PACSIN1: variants seen among roughly 807,000 people sequenced by gnomAD.
The protein encoded by PACSIN1 is protein kinase C and casein kinase substrate in neurons 1.
In PACSIN1, 15 loss-of-function variants were observed where a neutral mutation model predicts 59.5. The ratio of observed to expected loss-of-function variants is 0.25; its 90% CI spans 0.17 to 0.39. The LOEUF (loss-of-function observed/expected upper bound fraction) is 0.39, where lower values mean the gene tolerates loss of function less well. Ranked by LOEUF, PACSIN1 falls within the 10% of genes least tolerant of loss-of-function variation. PACSIN1 has a pLI of 1.00. For synonymous variants in PACSIN1, 210 were observed against 220.6 expected (o/e 0.95, Z 0.42); for missense variants, 420 against 580.2 (o/e 0.72, Z 2.84).
intron 1 of PACSIN1, among the ~76,000 whole-genome samples, chr6:34,496,216 T>C (rs1028126080): frequency 1.3e-5 from 2 of 152,076 alleles, no homozygotes; most frequent in East Asian, 1.9e-4. Flanking sequence ...CAATGGCTCA[T>C]TGGGGATAAT....
At chr6:34,472,220 C>T (rs150949272) in intron 1 of PACSIN1, among the ~76,000 whole-genome samples, 6 of 141,638 alleles carry the variant, frequency 4.2e-5, no homozygotes, top group African/African-American at 5.3e-5. Flanking sequence ...TGAAGTGAGC[C>T]GAGATCGGGC....
At chr6:34,494,704 A>G (rs1766922576) in intron 1 of PACSIN1, among the ~76,000 whole-genome samples, 1 of 152,150 alleles carries the variant, frequency 6.6e-6, no homozygotes, top group Non-Finnish European at 1.5e-5. Flanking sequence ...TTGGCCTCCC[A>G]AAGTGCTAGG....
At position 34,488,544 on chromosome 6, in the gene PACSIN1, T is replaced by G. The variant is rs1192845655; in HGVS notation, c.-64+22274T>G. Among the ~76,000 whole-genome samples the G allele has an allele frequency of 1.3e-5, 2 of 152,038 alleles. No homozygotes were observed. Among genetic ancestry groups the G allele is most frequent in the African/African-American group, 4.8e-5 (2 of 41,362 alleles). Reference sequence around the variant, plus strand: ...ATTTCTAAACTTGCAGTGCCCAGAGTTGTCCCTGGGTGTGGTGGTGAATGG... The same window carrying G: ...ATTTCTAAACTTGCAGTGCCCAGAGGTGTCCCTGGGTGTGGTGGTGAATGG... On this transcript the variant is annotated intron_variant, in intron 1 of 9. Coordinates refer to ENST00000244458, the MANE Select transcript of PACSIN1 (RefSeq NM_020804.5). This position sits in a 1 kb window ranked among gnomAD's most constrained non-coding sequence, Gnocchi z 4.7.
Position 34,474,990 on chromosome 6 carries a change from T to C in PACSIN1, c.-64+8720T>C, listed in dbSNP as rs563139091. The stretch of plus-strand genomic sequence containing the variant: ...GAATTCTCTTCCCCAAAGGCCTACA[T>C]GGCTCATGATGTTCACATCTCCACC... On this transcript the variant is annotated intron_variant, in intron 1 of 9. Transcript: ENST00000244458. 7.2e-5 allele frequency among the ~76,000 whole-genome samples: 11 copies of C among 152,274 alleles called. No homozygotes were observed. In the South Asian group the frequency reaches 2.1e-3, roughly 29 times the overall value.
chr6:34,471,688 T>C (rs1766572611), intron 1 of PACSIN1, among the ~76,000 whole-genome samples: 2 of 152,212 alleles, frequency 1.3e-5, no homozygotes, highest in African/African-American at 4.8e-5. Flanking sequence ...ACGTTAGCAC[T>C]GTGTTTTTGG....
chr6:34,526,353 C>T lies in PACSIN1; in HGVS notation c.48C>T (p.Thr16=), dbSNP rs1442173419. ...CCTCACTGGCGCCAGAGGAGACCAC[C>T]GACAGCTTCTGGGAGGTGAGGCTCT... The part of the protein sequence containing the change: ...DEASLAPEET[T]DSFWEVGNYK... The change falls in exon 2 of 10, where the codon ACC becomes ACT. Residue 16 remains threonine, a synonymous_variant. Transcript: ENST00000244458. 3.1e-6 allele frequency: 5 copies of T among 1,612,312 alleles called. No individual in the cohort carries two copies. Among genetic ancestry groups the T allele is most frequent in the Admixed American group, 3.3e-5 (2 of 59,990 alleles).
Position 34,488,979 on chromosome 6 carries a change from G to A in PACSIN1, c.-64+22709G>A, listed in dbSNP as rs190238307. Among the ~76,000 whole-genome samples, 62 of 152,172 alleles carry A rather than the reference G, an allele frequency of 4.1e-4. No homozygotes were observed. Among genetic ancestry groups the A allele is most frequent in the African/African-American group, 1.4e-3 (59 of 41,536 alleles). The stretch of plus-strand genomic sequence containing the variant: ...GTGGATCACTTGAGCCCAGAAGTTC[G>A]AGACCAGCCTGGGCAACATGGTGAA... On this transcript the variant is annotated intron_variant, in intron 1 of 9. Coordinates refer to ENST00000244458, the MANE Select transcript of PACSIN1 (RefSeq NM_020804.5). This position sits in a 1 kb window ranked among gnomAD's most constrained non-coding sequence, Gnocchi z 4.7.
intron 1 of PACSIN1, among the ~76,000 whole-genome samples, chr6:34,476,373 C>T (rs1205138980): frequency 6.6e-6 from 1 of 152,198 alleles, no homozygotes; most frequent in East Asian, 1.9e-4. Context: ...AAGCATGGGG[C>T]TGAATTTGGC....
chr6:34,518,741 T>C lies in PACSIN1; in HGVS notation c.-63-7502T>C, dbSNP rs974288173. 2.0e-4 allele frequency among the ~76,000 whole-genome samples: 30 copies of C among 152,304 alleles called. No individual in the cohort carries two copies. The highest frequency in any genetic ancestry group is 6.5e-4 in the African/African-American group (27 of 41,568). On this transcript the variant is annotated intron_variant, in intron 1 of 9. Transcript: ENST00000244458. The surrounding 1 kb of genome is among the most constrained non-coding windows in gnomAD (Gnocchi z 4.4). The stretch of plus-strand genomic sequence containing the variant: ...CCTTCCAGTGGCTCTCCACCACCCT[T>C]TGCCCTGTCCCTCACGCTGGCTGAA...
rs181743740 is a variant in PACSIN1 at position 34,502,992 on chromosome 6, C to T, written c.-63-23251C>T. On this transcript the variant is annotated intron_variant, in intron 1 of 9. Transcript: ENST00000244458. ...CATTTTGTACAAACCTCCCGTTGGT[C>T]CCGATGCTTACTAAAGTCTGAAGAC... Among the ~76,000 whole-genome samples, 400 of 152,272 alleles carry T rather than the reference C, an allele frequency of 2.6e-3. 1 individual carries two copies. Among genetic ancestry groups the T allele is most frequent in the African/African-American group, 9.1e-3 (379 of 41,536 alleles).
chr6:34,502,740 A>G (rs1383821349), intron 1 of PACSIN1, among the ~76,000 whole-genome samples: 1 of 152,138 alleles, frequency 6.6e-6, no homozygotes, highest in African/African-American at 2.4e-5. Flanking sequence ...TGCTGGGATC[A>G]CAGGCGTGAG....
In PACSIN1 at chr6:34,511,020, T is replaced by A. The variant is rs78038055; in HGVS notation, c.-63-15223T>A. 2.2e-3 allele frequency among the ~76,000 whole-genome samples: 340 copies of A among 152,296 alleles called. 14 individuals are homozygous for A. In the East Asian group the frequency reaches 0.057, roughly 25 times the overall value. On this transcript the variant is annotated intron_variant, in intron 1 of 9. Coordinates refer to ENST00000244458, the MANE Select transcript of PACSIN1 (RefSeq NM_020804.5). ...GAGCCACCGCACTGAGCCCACATTA[T>A]TTTTCTTGGTAGCACTGCTCATCAT... is the stretch of plus-strand genomic sequence containing the variant.
intron 1 of PACSIN1, among the ~76,000 whole-genome samples, chr6:34,501,713 A>G (rs1386885095): frequency 6.6e-6 from 1 of 152,104 alleles, no homozygotes; most frequent in Non-Finnish European, 1.5e-5. Context: ...AGCATGGGGA[A>G]CTTTCAGAAA....
In PACSIN1 at chr6:34,493,037, C is replaced by A. The variant is rs1766899971; in HGVS notation, c.-64+26767C>A. Among the ~76,000 whole-genome samples the A allele has an allele frequency of 2.0e-5, 3 of 152,286 alleles. No individual in the cohort carries two copies. In the South Asian group the frequency reaches 6.2e-4, roughly 32 times the overall value. On this transcript the variant is annotated intron_variant, in intron 1 of 9. Coordinates refer to ENST00000244458, the MANE Select transcript of PACSIN1 (RefSeq NM_020804.5). ...AGCTAAGATGCCCTTTTAACACAGG[C>A]CTCAGTTGATCCCATATGGAGCGCT... is the stretch of plus-strand genomic sequence containing the variant.
intron 1 of PACSIN1, among the ~76,000 whole-genome samples, chr6:34,496,342 G>A (rs1384026917): frequency 2.0e-5 from 3 of 152,182 alleles, no homozygotes; most frequent in Admixed American, 1.3e-4. Context: ...AGGAGGCTAC[G>A]GTGGGGGCCT....
At chr6:34,511,544 TTGC>T (rs2127263985) in intron 1 of PACSIN1, among the ~76,000 whole-genome samples, 2 of 152,324 alleles carry the variant, frequency 1.3e-5, no homozygotes, top group African/African-American at 4.8e-5. Flanking sequence ...GTAATATTTG[TTGC>T]TCCTCCTCCG....
chr6:34,502,379 G>A (rs558578450), intron 1 of PACSIN1, among the ~76,000 whole-genome samples: 1 of 152,146 alleles, frequency 6.6e-6, no homozygotes, highest in African/African-American at 2.4e-5. Context: ...ACAGGGGAAG[G>A]GACAGGGACA....
At position 34,530,441 on chromosome 6, in the gene PACSIN1, G is replaced by A; in HGVS notation, c.910-19G>A. ...CAGGGCATAGTCCCCCAGCCTGACTGCTCCACTGGCCCCACCAGGAGTGGA... is the reference window on the plus strand; with the variant it reads ...CAGGGCATAGTCCCCCAGCCTGACTACTCCACTGGCCCCACCAGGAGTGGA... On this transcript the variant is annotated intron_variant, in intron 7 of 9. Transcript: ENST00000244458. The surrounding 1 kb of genome is among the most constrained non-coding windows in gnomAD (Gnocchi z 4.4). 6.3e-7 allele frequency: 1 copy of A among 1,597,178 alleles called. No individual in the cohort carries two copies. Among genetic ancestry groups the A allele is most frequent in the African/African-American group, 1.3e-5 (1 of 74,682 alleles).
rs1006212432 is a variant in PACSIN1 at position 34,516,445 on chromosome 6, G to A, written c.-63-9798G>A. Among the ~76,000 whole-genome samples, 5 of 152,130 alleles carry A rather than the reference G, an allele frequency of 3.3e-5. No homozygotes were observed. The highest frequency in any genetic ancestry group is 7.2e-5 in the African/African-American group (3 of 41,428). ...GTGCGCACTGACACTGCCTGCCCCT[G>A]CTCCTCCGAACCCCGCACTCTCCTC... On this transcript the variant is annotated intron_variant, in intron 1 of 9. Coordinates refer to ENST00000244458, the MANE Select transcript of PACSIN1 (RefSeq NM_020804.5). This position sits in a 1 kb window ranked among gnomAD's most constrained non-coding sequence, Gnocchi z 5.4.
Sources: gnomAD v4.1 joint callset for allele counts (sites outside exome capture counted in the v4.1 genomes callset) on GRCh38, gnomAD v4.1.1 for gene constraint, Gnocchi (gnomAD v3.1) non-coding constraint, MANE v1.5 for transcripts, NCBI Gene and HGNC (gene_info 2026-07-23, HGNC 2026-07-21) for gene names.